The following DCC variants were observed in gnomAD, a reference collection of about 807,000 sequenced individuals.
DCC encodes DCC netrin 1 receptor.
DCC carries 58 observed loss-of-function variants against 172.5 expected under a neutral mutation model. The observed-to-expected ratio is 0.34, with a 90% CI of 0.27 to 0.42. The LOEUF is 0.42. DCC is among the 10% of genes least tolerant of loss of function. The pLI is 1.00. For missense variants in DCC, 1,740 were observed against 1,791.0 expected, an observed-to-expected ratio of 0.97 and a Z score of 0.51; for synonymous variants, 709 against 644.5, an observed-to-expected ratio of 1.10 and a Z score of -1.52.
chr18:53,186,157 C>G (rs1432579021), intron 9 of DCC, among the ~76,000 whole-genome samples: 1 of 152,046 alleles, frequency 6.6e-6, no homozygotes, highest in Non-Finnish European at 1.5e-5. Flanking sequence ...AACCAAACAT[C>G]TAGAAAATTT....
At chr18:52,593,722 G>C (rs1403485191) in intron 1 of DCC, among the ~76,000 whole-genome samples, 1 of 152,142 alleles carries the variant, frequency 6.6e-6, no homozygotes, top group African/African-American at 2.4e-5. Context: ...GGAAGGAGAG[G>C]GTTCTCTGTG....
Position 53,388,860 on chromosome 18 carries a change from C to T in DCC, c.2455+2722C>T, listed in dbSNP as rs1005146877. 2.0e-5 allele frequency among the ~76,000 whole-genome samples: 3 copies of T among 152,282 alleles called. No homozygotes were observed. In the East Asian group the frequency reaches 5.8e-4, roughly 29 times the overall value. ...AGTGCAGTGGTGCAGTCATGGCTCA[C>T]TGTAGACTTGACCTCTTAGGCTCAA... On this transcript the variant is annotated intron_variant, in intron 16 of 28. Transcript: ENST00000442544.
intron 15 of DCC, among the ~76,000 whole-genome samples, chr18:53,358,697 T>C (rs1201055983): frequency 6.6e-6 from 1 of 152,006 alleles, no homozygotes; most frequent in African/African-American, 2.4e-5. Context: ...AATTTTTGTA[T>C]TTTTAGTAAA....
intron 5 of DCC, among the ~76,000 whole-genome samples, chr18:52,970,078 G>A (rs1362003513): frequency 6.6e-6 from 1 of 152,052 alleles, no homozygotes; most frequent in Non-Finnish European, 1.5e-5. Context: ...CTGTATGAAT[G>A]TCATACATAG....
At chr18:53,339,994 G>A (rs1568066960) in intron 15 of DCC, 87 bp downstream of exon 15, 2 of 1,229,412 alleles carry the variant, frequency 1.6e-6, no homozygotes, top group East Asian at 5.1e-5. Flanking sequence ...CTGTTCCCTG[G>A]TATGATGGTT....
intron 9 of DCC, among the ~76,000 whole-genome samples, chr18:53,196,304 G>A (rs2144524805): frequency 6.6e-6 from 1 of 152,252 alleles, no homozygotes; most frequent in South Asian, 2.1e-4. Flanking sequence ...ATGCAGTCCA[G>A]AATCTTCGTT....
intron 1 of DCC, among the ~76,000 whole-genome samples, chr18:52,378,988 A>G (rs1471414597): frequency 1.3e-5 from 2 of 152,196 alleles, no homozygotes; most frequent in African/African-American, 4.8e-5. Context: ...GTTGTAGGAA[A>G]GGTAAAGTAT....
intron 27 of DCC, among the ~76,000 whole-genome samples, chr18:53,516,010 G>T (rs1472293738): frequency 6.7e-6 from 1 of 148,378 alleles, no homozygotes; most frequent in Non-Finnish European, 1.5e-5. Flanking sequence ...TAAGCCAAAA[G>T]AACAAAGCTG....
At chr18:52,707,436 A>G (rs949041400) in intron 1 of DCC, among the ~76,000 whole-genome samples, 3 of 152,248 alleles carry the variant, frequency 2.0e-5, no homozygotes, top group African/African-American at 4.8e-5. Flanking sequence ...GCCATTATAG[A>G]AAACATAGGG....
intron 1 of DCC, among the ~76,000 whole-genome samples, chr18:52,464,610 C>T (rs1988729908): frequency 6.6e-6 from 1 of 152,206 alleles, no homozygotes; most frequent in African/African-American, 2.4e-5. Context: ...GGTTCCCCAG[C>T]ATCAGAAGGT....
chr18:53,517,694 C>T (rs926704942), intron 27 of DCC, among the ~76,000 whole-genome samples: 1 of 151,898 alleles, frequency 6.6e-6, no homozygotes, highest in African/African-American at 2.4e-5. Flanking sequence ...TCAGCACGTC[C>T]CCAGTGGTCA....
chr18:53,327,228 C>T (rs1038692751), intron 14 of DCC, among the ~76,000 whole-genome samples: 6 of 152,096 alleles, frequency 3.9e-5, no homozygotes, highest in African/African-American at 1.4e-4. Flanking sequence ...GTTTGTTCAG[C>T]GTTCCCTGGA....
chr18:53,011,608 G>A (rs2041731940), intron 5 of DCC, among the ~76,000 whole-genome samples: 1 of 151,750 alleles, frequency 6.6e-6, no homozygotes. Flanking sequence ...AAATTGCTAT[G>A]TAAAAGCATT....
At chr18:52,743,579 C>A (rs1306295189) in intron 1 of DCC, among the ~76,000 whole-genome samples, 1 of 152,144 alleles carries the variant, frequency 6.6e-6, no homozygotes, top group African/African-American at 2.4e-5. Flanking sequence ...CCAACTTAGC[C>A]CTTATTATTG....
chr18:52,806,095 G>C (rs1204380194), intron 2 of DCC, among the ~76,000 whole-genome samples: 1 of 152,152 alleles, frequency 6.6e-6, no homozygotes, highest in Non-Finnish European at 1.5e-5. Context: ...TCCTCCATTA[G>C]ATAATACCGG....
chr18:52,728,572 C>A (rs980639613), intron 1 of DCC, among the ~76,000 whole-genome samples: 1 of 152,180 alleles, frequency 6.6e-6, no homozygotes, highest in Admixed American at 6.5e-5. Context: ...TTCCTCAACT[C>A]TTTGTTAAGA....
Position 53,207,767 on chromosome 18 carries a change from A to G in DCC, c.1811A>G (p.Tyr604Cys), listed in dbSNP as rs753522719. The G allele has an allele frequency of 3.7e-6, 6 of 1,613,254 alleles. No homozygotes were observed. Among genetic ancestry groups the G allele is most frequent in the Non-Finnish European group, 2.5e-6 (3 of 1,179,362 alleles). Reference sequence around the variant, plus strand: ...CTTCGATTCTTAGCTTATAATCGCTATGGTCCGGGCGTCTCTACTGATGAT... The same window carrying G: ...CTTCGATTCTTAGCTTATAATCGCTGTGGTCCGGGCGTCTCTACTGATGAT... ...YSLRFLAYNR[Y>C]GPGVSTDDIT... The change falls in exon 11 of 29, where the codon TAT (tyrosine) becomes TGT (cysteine). Residue 604 changes from tyrosine to cysteine, a missense_variant. Tyr to Cys is a radical substitution (Grantham distance 194). Around this residue, in one of 2 missense-constraint regions of DCC, gnomAD observed 1,732 missense variants for 1,767.4 expected, o/e 0.98. Coordinates refer to ENST00000442544, the MANE Select transcript of DCC (RefSeq NM_005215.4).
At chr18:53,301,897 G>A (rs964492100) in intron 12 of DCC, among the ~76,000 whole-genome samples, 21 of 152,032 alleles carry the variant, frequency 1.4e-4, no homozygotes, top group African/African-American at 4.3e-4. Context: ...GGTATTCTAG[G>A]GCTGCCATAA....
intron 12 of DCC, among the ~76,000 whole-genome samples, chr18:53,299,863 G>C (rs1377687050): frequency 6.6e-6 from 1 of 152,066 alleles, no homozygotes. Flanking sequence ...TCTTGTCCCA[G>C]TTTACCTGAT....
Sources: gnomAD v4.1 joint callset for allele counts (sites outside exome capture counted in the v4.1 genomes callset) on GRCh38, gnomAD v4.1.1 for gene constraint, gnomAD v4.1.1 regional missense constraint, MANE v1.5 for transcripts, NCBI Gene and HGNC (gene_info 2026-07-23, HGNC 2026-07-21) for gene names.